The following PARPBP variants were observed in gnomAD, a reference collection of about 807,000 sequenced individuals.
PARPBP encodes PCNA-interacting partner.
PARPBP carries 52 observed loss-of-function variants against 50.0 expected under a neutral mutation model. That is an observed-to-expected ratio of 1.04 (90% confidence interval 0.83 to 1.31). The LOEUF (loss-of-function observed/expected upper bound fraction) is 1.31, where lower values mean the gene tolerates loss of function less well. Ranked by LOEUF, PARPBP falls within the 50% of genes most tolerant of loss-of-function variation. PARPBP has a pLI of 0.00. For synonymous variants in PARPBP, 244 were observed against 232.1 expected (o/e 1.05, Z -0.47); for missense variants, 697 against 672.0 (o/e 1.04, Z -0.41).
intron 6 of PARPBP, among the ~76,000 whole-genome samples, chr12:102,172,949 C>A (rs1389370360): frequency 1.3e-5 from 2 of 152,192 alleles, no homozygotes; most frequent in African/African-American, 2.4e-5. Context: ...TGAAAGAATT[C>A]CTAGGGTCTA....
intron 9 of PARPBP, among the ~76,000 whole-genome samples, chr12:102,191,065 G>A (rs1890746406): frequency 6.6e-6 from 1 of 152,134 alleles, no homozygotes; most frequent in Non-Finnish European, 1.5e-5. Context: ...GATTTATTGA[G>A]TACCTACTAA....
At chr12:102,167,994 T>C (rs12426352) in intron 6 of PARPBP, among the ~76,000 whole-genome samples, 43,672 of 152,088 alleles carry the variant, frequency 0.29, 6,724 homozygotes, top group East Asian at 0.42. Context: ...TGCTTCTTAC[T>C]GATGTTCCTC....
chr12:102,125,036 A>C (rs1160030045), intron 2 of PARPBP, among the ~76,000 whole-genome samples: 2 of 152,242 alleles, frequency 1.3e-5, no homozygotes, highest in Non-Finnish European at 2.9e-5. Context: ...CTACCTGTGA[A>C]TAGTTGGCAG....
At chr12:102,155,595 G>T (rs1469709829) in intron 4 of PARPBP, among the ~76,000 whole-genome samples, 2 of 29,162 alleles carry the variant, frequency 6.9e-5, no homozygotes, top group Non-Finnish European at 1.5e-4. Context: ...AGAGCATGGT[G>T]GGGGGGGGGG....
intron 4 of PARPBP, chr12:102,155,181 G>C (rs1275653849): frequency 6.3e-6 from 1 of 158,314 alleles, no homozygotes; most frequent in Non-Finnish European, 1.4e-5. Flanking sequence ...TACTTGGGAG[G>C]CTGAGGCAGG....
At chr12:102,161,792 T>G (rs964676368) in intron 4 of PARPBP, among the ~76,000 whole-genome samples, 4 of 152,074 alleles carry the variant, frequency 2.6e-5, no homozygotes, top group Non-Finnish European at 5.9e-5. Flanking sequence ...TGCAGAGAAT[T>G]ATAATAGGGT....
intron 2 of PARPBP, among the ~76,000 whole-genome samples, chr12:102,125,899 T>C (rs1161340943): frequency 6.6e-6 from 1 of 152,206 alleles, no homozygotes; most frequent in Non-Finnish European, 1.5e-5. Flanking sequence ...AGAGGCTCTT[T>C]TTTACCCTCT....
intron 4 of PARPBP, among the ~76,000 whole-genome samples, chr12:102,157,409 A>G (rs1371229164): frequency 6.6e-6 from 1 of 151,850 alleles, no homozygotes; most frequent in Non-Finnish European, 1.5e-5. Context: ...AAATGGTTTT[A>G]TATCTCCTTA....
chr12:102,125,906 C>A (rs1410406238), intron 2 of PARPBP, among the ~76,000 whole-genome samples: 1 of 152,172 alleles, frequency 6.6e-6, no homozygotes, highest in Non-Finnish European at 1.5e-5. Context: ...CTTTTTTACC[C>A]TCTCCAGGGA....
chr12:102,193,458 G>A (rs2137479938), intron 9 of PARPBP, among the ~76,000 whole-genome samples: 1 of 152,048 alleles, frequency 6.6e-6, no homozygotes, highest in East Asian at 1.9e-4. Context: ...TACAAAGAGT[G>A]ATCCAAGCCA....
chr12:102,188,628 A>G (rs1890526837), intron 9 of PARPBP, among the ~76,000 whole-genome samples: 2 of 152,162 alleles, frequency 1.3e-5, no homozygotes, highest in Non-Finnish European at 2.9e-5. Flanking sequence ...CCAGCATGAA[A>G]TAAACTATAC....
At chr12:102,191,089 A>C (rs2137355775) in intron 9 of PARPBP, among the ~76,000 whole-genome samples, 1 of 152,304 alleles carries the variant, frequency 6.6e-6, no homozygotes, top group African/African-American at 2.4e-5. Flanking sequence ...TTCAGTGTTT[A>C]TACTGGATAT....
intron 8 of PARPBP, among the ~76,000 whole-genome samples, chr12:102,181,930 A>G (rs1371905966): frequency 6.6e-6 from 1 of 152,076 alleles, no homozygotes; most frequent in East Asian, 1.9e-4. Flanking sequence ...AAGGGCAAAA[A>G]GTGCTCCCAC....
intron 7 of PARPBP, among the ~76,000 whole-genome samples, chr12:102,177,678 A>G (rs913721540): frequency 6.6e-6 from 1 of 152,210 alleles, no homozygotes; most frequent in Non-Finnish European, 1.5e-5. Flanking sequence ...ATCTCACAAT[A>G]TATTTTACAC....
At chr12:102,120,583 T>G (rs1230046237) in intron 1 of PARPBP, 1 of 445,454 alleles carries the variant, frequency 2.2e-6, no homozygotes, top group African/African-American at 2.0e-5. Context: ...TGGGTTCTAG[T>G]CCCACTATGT....
chr12:102,150,124 G>A, intron 3 of PARPBP: 1 of 405,724 alleles, frequency 2.5e-6, no homozygotes, highest in Non-Finnish European at 4.9e-6. Context: ...TGTCTCTGTG[G>A]GATACTCTCT....
At chr12:102,129,882 G>C (rs1882585226) in intron 2 of PARPBP, among the ~76,000 whole-genome samples, 1 of 152,138 alleles carries the variant, frequency 6.6e-6, no homozygotes, top group African/African-American at 2.4e-5. Flanking sequence ...TGCAGAGCTA[G>C]AAAAAGCTCT....
chr12:102,156,689 A>G (rs1313964601), intron 4 of PARPBP, among the ~76,000 whole-genome samples: 1 of 152,036 alleles, frequency 6.6e-6, no homozygotes, highest in African/African-American at 2.4e-5. Flanking sequence ...GCCCAGGCTG[A>G]AGTGCAGTGT....
intron 2 of PARPBP, among the ~76,000 whole-genome samples, chr12:102,136,479 C>A (rs1883647554): frequency 6.6e-6 from 1 of 152,122 alleles, no homozygotes; most frequent in South Asian, 2.1e-4. Flanking sequence ...AACATTTAAC[C>A]CTCATTGTAA....
Sources: gnomAD v4.1 joint callset for allele counts (sites outside exome capture counted in the v4.1 genomes callset) on GRCh38, gnomAD v4.1.1 for gene constraint, MANE v1.5 for transcripts, NCBI Gene and HGNC (gene_info 2026-07-23, HGNC 2026-07-21) for gene names.